The following P3H2 variants were observed in gnomAD, a reference collection of about 807,000 sequenced individuals.
The protein encoded by P3H2 is prolyl 3-hydroxylase 2.
Under a neutral mutation model 87.0 loss-of-function variants are expected in P3H2, and 80 were observed. That is an observed-to-expected ratio of 0.92 (90% CI 0.77 to 1.11). The LOEUF (loss-of-function observed/expected upper bound fraction) is 1.11. Among genes scored for constraint, P3H2 ranks in the 50% least tolerant of loss-of-function variants. P3H2 has a pLI of 0.00. For synonymous variants in P3H2, 367 were observed against 359.3 expected, an observed-to-expected ratio of 1.02 and a Z score of -0.24; for missense variants, 1,001 against 923.9, an observed-to-expected ratio of 1.08 and a Z score of -1.08.
intron 1 of P3H2, among the ~76,000 whole-genome samples, chr3:190,001,513 G>A (rs559084957): frequency 1.4e-4 from 21 of 152,090 alleles, no homozygotes; most frequent in Non-Finnish European, 2.2e-4. Context: ...TTTTGCCTTC[G>A]TTTTTTTACT....
intron 1 of P3H2, among the ~76,000 whole-genome samples, chr3:190,015,110 G>A (rs753689382): frequency 6.6e-6 from 1 of 152,078 alleles, no homozygotes; most frequent in Non-Finnish European, 1.5e-5. Flanking sequence ...CAACTCCTGG[G>A]CTCAAGTGAT....
At chr3:190,089,955 TC>T (rs1371893685) in intron 1 of P3H2, among the ~76,000 whole-genome samples, 1 of 152,078 alleles carries the variant, frequency 6.6e-6, no homozygotes, top group Non-Finnish European at 1.5e-5. Flanking sequence ...TGGGGAGGCT[TC>T]CTGGGTCTGG....
intron 1 of P3H2, among the ~76,000 whole-genome samples, chr3:190,115,405 TA>T (rs1712250995): frequency 1.4e-5 from 2 of 147,454 alleles, no homozygotes; most frequent in Admixed American, 1.4e-4. Flanking sequence ...TTCCTTTTTT[TA>T]AATGGTTGGG....
At chr3:189,987,781 G>T in intron 4 of P3H2, 112 bp from the exon 5 acceptor site, 3 of 1,230,382 alleles carry the variant, frequency 2.4e-6, no homozygotes, top group Non-Finnish European at 3.6e-6. Flanking sequence ...GAATAAGAGG[G>T]AAGATAAATT....
At chr3:190,032,332 A>AT (rs1725280333) in intron 1 of P3H2, among the ~76,000 whole-genome samples, 1 of 152,172 alleles carries the variant, frequency 6.6e-6, no homozygotes, top group South Asian at 2.1e-4. Context: ...TACTATATGA[A>AT]TTGCCTTAGG....
At chr3:190,000,080 A>G (rs1224673639) in intron 1 of P3H2, among the ~76,000 whole-genome samples, 1 of 152,226 alleles carries the variant, frequency 6.6e-6, no homozygotes, top group South Asian at 2.1e-4. Flanking sequence ...CACATTGACT[A>G]TTCAAAAATC....
At chr3:190,095,832 G>C (rs999155820) in intron 1 of P3H2, among the ~76,000 whole-genome samples, 5 of 152,102 alleles carry the variant, frequency 3.3e-5, no homozygotes, top group African/African-American at 1.2e-4. Flanking sequence ...TCGATCTCCT[G>C]ACCTCGTGAT....
chr3:190,120,348 G>A lies in P3H2; in HGVS notation c.384C>T (p.Leu128=), dbSNP rs1281898500. The change falls in exon 1 of 15, where the codon CTC becomes CTT. Residue 128 remains leucine, a synonymous_variant. Transcript: ENST00000319332. ...RCYRSCETQR[L]GGPASRHRVS... ...CGCGGTGGCGGGATGCGGGGCCCCC[G>A]AGGCGCTGGGTCTCACAGCTGCGAT... 2.5e-6 allele frequency: 4 copies of A among 1,580,776 alleles called. No homozygotes were observed. Among genetic ancestry groups the A allele is most frequent in the East Asian group, 2.3e-5 (1 of 43,572 alleles).
At chr3:190,023,485 A>T (rs1391397944) in intron 1 of P3H2, among the ~76,000 whole-genome samples, 1 of 152,182 alleles carries the variant, frequency 6.6e-6, no homozygotes, top group Non-Finnish European at 1.5e-5. Flanking sequence ...AGGCGGCAGG[A>T]AGGAGAAGTG....
chr3:190,119,231 C>CAGCAGAGCAG (rs143484200), intron 1 of P3H2, among the ~76,000 whole-genome samples: 21 of 121,838 alleles, frequency 1.7e-4, no homozygotes, highest in South Asian at 1.0e-3. Context: ...AAGCAGAGCA[C>CAGCAGAGCAG]AGCAGAGCAG....
rs1712501247 is a variant in P3H2 at position 190,120,340 on chromosome 3, G to T, written c.392C>A (p.Pro131His). 1.9e-6 allele frequency: 3 copies of T among 1,589,432 alleles called. No homozygotes were observed. Among genetic ancestry groups the T allele is most frequent in the Non-Finnish European group, 8.5e-7 (1 of 1,170,918 alleles). Residue 131 changes from proline to histidine, a missense_variant, in exon 1 of 15, where the codon CCC (proline) becomes CAC (histidine). By Grantham distance (77) the Pro-to-His change is moderately conservative (BLOSUM62 -2). Transcript: ENST00000319332. The part of the protein sequence containing the change: ...RSCETQRLGG[P>H]ASRHRVSEDV... ...CTCGCTGACGCGGTGGCGGGATGCG[G>T]GGCCCCCGAGGCGCTGGGTCTCACA... is the stretch of plus-strand genomic sequence containing the variant.
At chr3:189,966,285 G>T (rs897513560) in intron 13 of P3H2, among the ~76,000 whole-genome samples, 4 of 152,134 alleles carry the variant, frequency 2.6e-5, no homozygotes, top group African/African-American at 9.7e-5. Context: ...ACTCAAACAC[G>T]CATTTGCCAA....
At chr3:190,012,872 T>C (rs1052326701) in intron 1 of P3H2, among the ~76,000 whole-genome samples, 2 of 152,270 alleles carry the variant, frequency 1.3e-5, no homozygotes, top group Admixed American at 6.5e-5. Context: ...AAATAAAAAC[T>C]CATCTGTATA....
intron 1 of P3H2, among the ~76,000 whole-genome samples, chr3:190,103,771 T>C (rs758380047): frequency 1.3e-5 from 2 of 152,186 alleles, no homozygotes; most frequent in Non-Finnish European, 2.9e-5. Flanking sequence ...TAGAGATTTT[T>C]ATTCAACATT....
chr3:190,021,794 T>C lies in P3H2; in HGVS notation c.481-26352A>G, dbSNP rs978895676. On this transcript the variant is annotated intron_variant, in intron 1 of 14. Transcript: ENST00000319332. ...TAATGCTAGGTACTGGTGATCTGAG[T>C]GTTTAAAAAATAAGCATCTCTGACC... Among the ~76,000 whole-genome samples the C allele has an allele frequency of 3.0e-5, 4 of 134,600 alleles. 1 individual carries two copies. Among genetic ancestry groups the C allele is most frequent in the African/African-American group, 1.0e-4 (4 of 38,968 alleles). 88.3% of individuals were successfully genotyped at this position (134,600 alleles called of 152,430 possible).
intron 1 of P3H2, among the ~76,000 whole-genome samples, chr3:190,102,159 G>A (rs920243044): frequency 1.1e-4 from 16 of 152,188 alleles, no homozygotes; most frequent in African/African-American, 3.4e-4. Flanking sequence ...GGCGAACAAA[G>A]AGATTAACGT....
At chr3:190,052,579 CA>C (rs1217482617) in intron 1 of P3H2, among the ~76,000 whole-genome samples, 1 of 151,932 alleles carries the variant, frequency 6.6e-6, no homozygotes, top group African/African-American at 2.4e-5. Context: ...ATTATATCCC[CA>C]ATTTATACAA....
chr3:189,972,852 C>A (rs913555789), intron 11 of P3H2, 22 bp downstream of exon 11: 15 of 1,613,514 alleles, frequency 9.3e-6, no homozygotes, highest in Non-Finnish European at 1.2e-5. Flanking sequence ...TAAAAGGGAA[C>A]CATTTCAGAC....
At chr3:189,986,913 T>C (rs1723719375) in intron 5 of P3H2, 36 bp from the exon 6 acceptor site, 1 of 1,341,156 alleles carries the variant, frequency 7.5e-7, no homozygotes, top group African/African-American at 1.4e-5. Context: ...CATTTTTTAT[T>C]TAAATAGCAG....
Sources: allele counts gnomAD v4.1 joint callset (sites outside exome capture counted in the v4.1 genomes callset), GRCh38; gene constraint gnomAD v4.1.1; transcripts MANE v1.5; gene names NCBI Gene and HGNC (gene_info 2026-07-23, HGNC 2026-07-21).